The following PSMA1 variants were observed in gnomAD, a reference collection of about 807,000 sequenced individuals.
PSMA1 encodes proteasome 20S subunit alpha 1, also known as proteasome subunit alpha type-1.
Under a neutral mutation model 38.4 loss-of-function variants are expected in PSMA1, and 3 were observed. That is an observed-to-expected ratio of 0.08 (90% CI 0.04 to 0.20). The LOEUF is 0.20. Ranked by LOEUF, PSMA1 falls within the 10% of genes least tolerant of loss-of-function variation. The pLI is 1.00. For missense variants in PSMA1, 227 were observed against 325.3 expected, an observed-to-expected ratio of 0.70 and a Z score of 2.32; for synonymous variants, 101 against 107.1, an observed-to-expected ratio of 0.94 and a Z score of 0.35.
intron 5 of PSMA1, 31 bp from the exon 6 acceptor site, chr11:14,513,918 A>T: frequency 1.3e-6 from 2 of 1,564,914 alleles, no homozygotes; most frequent in South Asian, 1.2e-5. Flanking sequence ...TGTTTTAACA[A>T]GGAATGAAGT....
chr11:14,584,506 TG>T (rs369973988), intron 2 of PSMA1, among the ~76,000 whole-genome samples: 73 of 148,892 alleles, frequency 4.9e-4, no homozygotes, highest in East Asian at 1.4e-3. Context: ...TTTTGTTTTT[TG>T]TTTTTTTTTT....
intron 2 of PSMA1, among the ~76,000 whole-genome samples, chr11:14,606,470 C>T (rs536277528): frequency 1.3e-5 from 2 of 151,718 alleles, no homozygotes; most frequent in Admixed American, 1.3e-4. Flanking sequence ...AAATATTTGT[C>T]AAGACCCTCA....
Position 14,579,509 on chromosome 11 carries a change from T to TTTTTTTTTTTTC in PSMA1, c.21+31456_21+31457insGAAAAAAAAAAA, listed in dbSNP as rs746024063. Reference sequence around the variant, plus strand: ...GACTTTTTTTTTTTTTTTTTTTTTTTAAATAAGGTAACATTAACAGGGGCC... The same window carrying TTTTTTTTTTTTC: ...GACTTTTTTTTTTTTTTTTTTTTTTTTTTTTTTTTTTCAAATAAGGTAACATTAACAGGGGCC... On this transcript the variant is annotated intron_variant, in intron 2 of 10. Transcript: ENST00000418988. Among the ~76,000 whole-genome samples the TTTTTTTTTTTTC allele has an allele frequency of 1.6e-5, 2 of 125,428 alleles. 1 individual carries two copies. The highest frequency in any genetic ancestry group is 3.3e-5 in the Non-Finnish European group (2 of 60,160). The allele number at this position is 125,428 out of a possible 152,430, so 82.3% of individuals were successfully genotyped here.
At chr11:14,631,773 A>G (rs1190051234) in intron 1 of PSMA1, among the ~76,000 whole-genome samples, 1 of 151,756 alleles carries the variant, frequency 6.6e-6, no homozygotes, top group Non-Finnish European at 1.5e-5. Context: ...GGGTGTTAAA[A>G]TCTCCCATTA....
chr11:14,528,869 C>T (rs1284944577), intron 2 of PSMA1, among the ~76,000 whole-genome samples: 1 of 151,986 alleles, frequency 6.6e-6, no homozygotes, highest in Non-Finnish European at 1.5e-5. Flanking sequence ...TTGTGAGATC[C>T]ACCCCCTGCC....
intron 2 of PSMA1, among the ~76,000 whole-genome samples, chr11:14,566,602 G>A (rs1311639228): frequency 6.6e-6 from 1 of 152,136 alleles, no homozygotes; most frequent in African/African-American, 2.4e-5. Context: ...GTCCTGGCAG[G>A]AAAATTCTGC....
intron 1 of PSMA1, among the ~76,000 whole-genome samples, chr11:14,624,685 C>G (rs1852890468): frequency 6.6e-6 from 1 of 152,164 alleles, no homozygotes; most frequent in African/African-American, 2.4e-5. Context: ...GGGTAATCAA[C>G]CCTGATCATT....
At chr11:14,568,949 G>A (rs1478000203) in intron 2 of PSMA1, among the ~76,000 whole-genome samples, 1 of 152,156 alleles carries the variant, frequency 6.6e-6, no homozygotes, top group Non-Finnish European at 1.5e-5. Flanking sequence ...CAGAGTAGGG[G>A]GGCCCTAGGC....
At chr11:14,638,833 C>T (rs1372364073) in intron 1 of PSMA1, among the ~76,000 whole-genome samples, 1 of 150,960 alleles carries the variant, frequency 6.6e-6, no homozygotes, top group African/African-American at 2.4e-5. Context: ...ACCGTCGTGG[C>T]TGTGATCCTT....
chr11:14,624,530 A>T (rs1322235988), intron 1 of PSMA1, among the ~76,000 whole-genome samples: 1 of 152,142 alleles, frequency 6.6e-6, no homozygotes, highest in African/African-American at 2.4e-5. Context: ...TGGGCTCTGC[A>T]GGGCTGGAGG....
chr11:14,580,584 T>C (rs1852271508), intron 2 of PSMA1, among the ~76,000 whole-genome samples: 2 of 152,216 alleles, frequency 1.3e-5, no homozygotes, highest in Admixed American at 6.5e-5. Context: ...GATAAAACTG[T>C]GTCATACTCA....
intron 1 of PSMA1, among the ~76,000 whole-genome samples, chr11:14,633,898 T>A (rs996624927): frequency 6.6e-6 from 1 of 152,114 alleles, no homozygotes; most frequent in Non-Finnish European, 1.5e-5. Context: ...GTGACCCGAT[T>A]TTCCAGGTGC....
Position 14,622,963 on chromosome 11 carries a change from T to C in PSMA1, c.-165-11812A>G, listed in dbSNP as rs563420146. 2.0e-4 allele frequency among the ~76,000 whole-genome samples: 31 copies of C among 152,294 alleles called. No homozygotes were observed. In the South Asian group the frequency reaches 6.2e-3, roughly 31 times the overall value. On this transcript the variant is annotated intron_variant, in intron 1 of 10. Transcript: ENST00000418988. ...TTTTGAGAAAAAGCTCTTGGTGAAT[T>C]ACTGGGACTGGTAGAGGCAGAGTGC...
intron 2 of PSMA1, among the ~76,000 whole-genome samples, chr11:14,606,901 TG>T (rs1489308635): frequency 1.3e-5 from 2 of 152,214 alleles, no homozygotes; most frequent in Non-Finnish European, 1.5e-5. Context: ...CTTAGATGTG[TG>T]GGAATAATAG....
At chr11:14,604,678 T>C (rs1365043599) in intron 2 of PSMA1, among the ~76,000 whole-genome samples, 1 of 152,164 alleles carries the variant, frequency 6.6e-6, no homozygotes, top group Non-Finnish European at 1.5e-5. Context: ...GTAAGGAGTA[T>C]AGTACCTAAT....
chr11:14,536,651 G>T (rs1459489842), intron 2 of PSMA1, among the ~76,000 whole-genome samples: 1 of 151,412 alleles, frequency 6.6e-6, no homozygotes, highest in Admixed American at 6.6e-5. Context: ...TCGCTCTGTC[G>T]CCCAGGCTGG....
At chr11:14,605,069 TA>T (rs1277298455) in intron 2 of PSMA1, among the ~76,000 whole-genome samples, 2 of 152,226 alleles carry the variant, frequency 1.3e-5, no homozygotes, top group Admixed American at 1.3e-4. Context: ...GATATATACC[TA>T]GTAATGGGAT....
At chr11:14,553,700 C>T (rs1851913348) in intron 2 of PSMA1, among the ~76,000 whole-genome samples, 1 of 151,886 alleles carries the variant, frequency 6.6e-6, no homozygotes, top group African/African-American at 2.4e-5. Flanking sequence ...AGATGCACCA[C>T]AGTTTGTTTA....
Position 14,551,265 on chromosome 11 carries a change from A to C in PSMA1, c.22-32224T>G, listed in dbSNP as rs76230058. Among the ~76,000 whole-genome samples the C allele has an allele frequency of 5.8e-4, 88 of 152,338 alleles. No individual in the cohort carries two copies. In the East Asian group the frequency reaches 0.013, roughly 22 times the overall value. On this transcript the variant is annotated intron_variant, in intron 2 of 10. Coordinates refer to the PSMA1 transcript ENST00000418988. The stretch of plus-strand genomic sequence containing the variant: ...TAATATAATTTGTTTTATATATGCC[A>C]TTATCAGGATGTGATGGGTACAGGA...
Sources: gnomAD v4.1 joint callset for allele counts (sites outside exome capture counted in the v4.1 genomes callset) on GRCh38, gnomAD v4.1.1 for gene constraint, MANE v1.5 for transcripts, NCBI Gene and HGNC (gene_info 2026-07-23, HGNC 2026-07-21) for gene names.